Variants in RYR2 observed in about 807,000 individuals in gnomAD.
RYR2 encodes ryanodine receptor 2, also known as cardiac muscle ryanodine receptor-calcium release channel.
RYR2 carries 227 observed loss-of-function variants against 601.1 expected under a neutral mutation model. That is an observed-to-expected ratio of 0.38 (90% CI 0.34 to 0.42). The LOEUF is 0.42. RYR2 is among the 10% of genes least tolerant of loss of function. The pLI is 1.00. For missense variants in RYR2, 4,646 were observed against 6,156.5 expected, an observed-to-expected ratio of 0.75 and a Z score of 8.21; for synonymous variants, 2,223 against 2,175.1, an observed-to-expected ratio of 1.02 and a Z score of -0.61.
chr1:237,233,012 C>T (rs1685159465), intron 1 of RYR2, among the ~76,000 whole-genome samples: 1 of 152,184 alleles, frequency 6.6e-6, no homozygotes, highest in Admixed American at 6.5e-5. Flanking sequence ...TTGACTGCAT[C>T]ACCCACGGGA....
chr1:237,440,797 T>C (rs1233171128), intron 12 of RYR2, among the ~76,000 whole-genome samples: 2 of 152,144 alleles, frequency 1.3e-5, no homozygotes, highest in African/African-American at 4.8e-5. Context: ...CCGGGGACAC[T>C]ATTCTGAAAT....
At chr1:237,043,020 C>A (rs1660110513) in intron 1 of RYR2, among the ~76,000 whole-genome samples, 1 of 152,160 alleles carries the variant, frequency 6.6e-6, no homozygotes, top group South Asian at 2.1e-4. Flanking sequence ...AATACCGCCG[C>A]CGGGAGGTTT....
chr1:237,388,753 A>G (rs979368935), intron 10 of RYR2, among the ~76,000 whole-genome samples: 11 of 152,168 alleles, frequency 7.2e-5, no homozygotes, highest in African/African-American at 2.7e-4. Flanking sequence ...AACCATAAAA[A>G]TATTTAGAAT....
In RYR2 at chr1:237,646,755, G is replaced by T. The variant is rs576006838; in HGVS notation, c.7343-1689G>T. 1.6e-4 allele frequency among the ~76,000 whole-genome samples: 24 copies of T among 152,292 alleles called. No individual in the cohort carries two copies. The South Asian group carries it at 4.8e-3, about 30-fold the overall frequency. On this transcript the variant is annotated intron_variant, in intron 48 of 104. Transcript: ENST00000366574. Reference sequence around the variant, plus strand: ...GCTCTTGGCCCAGACTGATTTGGCCGCCCTGTCTGAGGCAGTAATTGTGGG... The same window carrying T: ...GCTCTTGGCCCAGACTGATTTGGCCTCCCTGTCTGAGGCAGTAATTGTGGG...
At chr1:237,805,398 G>T (rs2794830) in intron 98 of RYR2, among the ~76,000 whole-genome samples, 27,103 of 151,672 alleles carry the variant, frequency 0.18, 3,048 homozygotes, top group East Asian at 0.5. Flanking sequence ...GGTTAACACA[G>T]TGAAACCCCG....
intron 1 of RYR2, among the ~76,000 whole-genome samples, chr1:237,084,897 A>G (rs952825927): frequency 6.6e-6 from 1 of 152,244 alleles, no homozygotes; most frequent in Non-Finnish European, 1.5e-5. Context: ...TCTTGTATAC[A>G]TACCCTGGTC....
chr1:237,829,625 AG>A (rs1663550976), intron 102 of RYR2, among the ~76,000 whole-genome samples: 1 of 152,208 alleles, frequency 6.6e-6, no homozygotes, highest in African/African-American at 2.4e-5. Context: ...TGTTCTCCCC[AG>A]TTGCTCAATG....
At chr1:237,045,642 C>A (rs1660480191) in intron 1 of RYR2, among the ~76,000 whole-genome samples, 1 of 152,128 alleles carries the variant, frequency 6.6e-6, no homozygotes, top group Non-Finnish European at 1.5e-5. Flanking sequence ...GTAATGGATT[C>A]ATTCACTGTC....
Position 237,217,850 on chromosome 1 carries a change from C to T in RYR2, c.49-52647C>T, listed in dbSNP as rs138035672. 6.7e-4 allele frequency among the ~76,000 whole-genome samples: 102 copies of T among 152,262 alleles called. No homozygotes were observed. The East Asian group carries it at 0.01, about 15-fold the overall frequency. ...GTACTTAGGATTTGTGATTTGCAGA[C>T]GCAAGCTTTGCTGTATTTGTTTTGC... On this transcript the variant is annotated intron_variant, in intron 1 of 104. Transcript: ENST00000366574.
chr1:237,680,430 A>C (rs1373369730), intron 61 of RYR2, 26 bp from the exon 62 acceptor site: 2 of 1,602,216 alleles, frequency 1.2e-6, no homozygotes, highest in African/African-American at 1.3e-5. Flanking sequence ...CACTACGTAG[A>C]TCTGTCTTCT....
intron 36 of RYR2, among the ~76,000 whole-genome samples, chr1:237,612,706 G>A (rs1426699835): frequency 6.6e-6 from 1 of 152,018 alleles, no homozygotes; most frequent in East Asian, 1.9e-4. Context: ...AGGAATTCTT[G>A]TTTATGAAGG....
At chr1:237,053,068 C>T (rs906651995) in intron 1 of RYR2, among the ~76,000 whole-genome samples, 5 of 152,054 alleles carry the variant, frequency 3.3e-5, no homozygotes, top group Non-Finnish European at 7.4e-5. Flanking sequence ...AGGATGGTCT[C>T]GATCTCTTGA....
intron 5 of RYR2, among the ~76,000 whole-genome samples, chr1:237,365,226 AAG>A (rs1700089588): frequency 6.6e-6 from 1 of 152,236 alleles, no homozygotes; most frequent in Non-Finnish European, 1.5e-5. Context: ...TTTTGAAAGA[AAG>A]AGACTGTGAG....
intron 38 of RYR2, among the ~76,000 whole-genome samples, chr1:237,620,229 C>T (rs998344622): frequency 3.9e-5 from 6 of 152,096 alleles, no homozygotes; most frequent in African/African-American, 1.4e-4. Context: ...AAACTGAAGT[C>T]TACTGGTGTT....
At chr1:237,801,623 C>T (rs1405604260) in intron 97 of RYR2, among the ~76,000 whole-genome samples, 3 of 151,196 alleles carry the variant, frequency 2.0e-5, no homozygotes, top group Non-Finnish European at 2.9e-5. Flanking sequence ...TAACATAAGA[C>T]GAAGGTGATG....
chr1:237,624,238 G>T (rs1679407842), intron 39 of RYR2, among the ~76,000 whole-genome samples: 1 of 152,180 alleles, frequency 6.6e-6, no homozygotes, highest in Non-Finnish European at 1.5e-5. Context: ...CAAGATGAAT[G>T]AATTCTGGAG....
chr1:237,540,882 A>C (rs1669185083), intron 25 of RYR2, among the ~76,000 whole-genome samples: 1 of 151,132 alleles, frequency 6.6e-6, no homozygotes, highest in African/African-American at 2.4e-5. Context: ...TAAAAGGCTG[A>C]GAATGATATG....
At chr1:237,695,456 G>A (rs918204762) in intron 63 of RYR2, among the ~76,000 whole-genome samples, 7 of 152,150 alleles carry the variant, frequency 4.6e-5, no homozygotes, top group African/African-American at 1.7e-4. Flanking sequence ...TTGAAATACT[G>A]TGAGTTGAAA....
At chr1:237,297,883 T>A (rs1692945982) in intron 2 of RYR2, among the ~76,000 whole-genome samples, 1 of 151,468 alleles carries the variant, frequency 6.6e-6, no homozygotes, top group Admixed American at 6.6e-5. Context: ...CCCAAGTAGC[T>A]GGGACTACAA....
Sources: allele counts gnomAD v4.1 joint callset (sites outside exome capture counted in the v4.1 genomes callset), GRCh38; gene constraint gnomAD v4.1.1; transcripts MANE v1.5; gene names NCBI Gene and HGNC (gene_info 2026-07-23, HGNC 2026-07-21).